Variants in TMEM177 observed in about 807,000 individuals in gnomAD.
The protein encoded by TMEM177 is transmembrane protein 177.
Under a neutral mutation model 14.2 loss-of-function variants are expected in TMEM177, and 4 were observed. The observed-to-expected ratio is 0.28, with a 90% CI of 0.14 to 0.64. The LOEUF (loss-of-function observed/expected upper bound fraction) is 0.64. Among genes scored for constraint, TMEM177 ranks in the 30% least tolerant of loss-of-function variants. The pLI, the probability that TMEM177 is intolerant of heterozygous loss-of-function variation, is 0.82. For missense variants in TMEM177, 344 were observed against 405.2 expected, an observed-to-expected ratio of 0.85 and a Z score of 1.30; for synonymous variants, 179 against 174.5, an observed-to-expected ratio of 1.03 and a Z score of -0.20.
At chr2:119,706,943 G>T in the TMEM177 span, among the ~76,000 whole-genome samples, 2 of 151,758 alleles carry the variant, frequency 1.3e-5, no homozygotes, top group African/African-American at 4.8e-5. Context: ...AAGGAGTCTC[G>T]CACTGTCACT....
Position 119,681,441 on chromosome 2 carries a change from C to A in TMEM177, c.588C>A (p.Gly196=). Residue 196 remains glycine (G), a synonymous_variant, in exon 2 of 2, where the codon GGC becomes GGA. Transcript: ENST00000272521. Reference sequence around the variant, plus strand: ...AGTACACCCTGGGGCTCCATGCAGGCCCCATGAATTTACGGGCTGCCTTCA... The same window carrying A: ...AGTACACCCTGGGGCTCCATGCAGGACCCATGAATTTACGGGCTGCCTTCA... ...GAKYTLGLHA[G]PMNLRAAFSL... The A allele has an allele frequency of 6.2e-7, 1 of 1,613,770 alleles. No individual in the cohort carries two copies. Among genetic ancestry groups the A allele is most frequent in the South Asian group, 1.1e-5 (1 of 91,088 alleles).
chr2:119,720,274 C>A, the TMEM177 span, among the ~76,000 whole-genome samples: 1 of 151,820 alleles, frequency 6.6e-6, no homozygotes, highest in Non-Finnish European at 1.5e-5. Context: ...TATTTTATTC[C>A]CAACTTTTTT....
chr2:119,682,115 CCTT>C (rs896620398), exon 2 of TMEM177: 4 of 227,690 alleles, frequency 1.8e-5, no homozygotes, highest in Admixed American at 1.2e-4. Flanking sequence ...AGACATCCCT[CCTT>C]CTTGGTCGTT....
At chr2:119,690,647 C>G (rs1397883830), downstream of TMEM177, among the ~76,000 whole-genome samples, 2 of 152,192 alleles carry the variant, frequency 1.3e-5, no homozygotes, top group South Asian at 4.1e-4. Context: ...GCCACACGGA[C>G]GGCAGTGTCA....
At chr2:119,714,934 T>C in the TMEM177 span, among the ~76,000 whole-genome samples, 200 of 152,216 alleles carry the variant, frequency 1.3e-3, no homozygotes, top group African/African-American at 4.6e-3. Flanking sequence ...AGGGAGGGAA[T>C]GAAGGGCAGA....
chr2:119,722,075 C>T, the TMEM177 span, among the ~76,000 whole-genome samples: 7 of 152,162 alleles, frequency 4.6e-5, no homozygotes, highest in African/African-American at 7.2e-5. Flanking sequence ...ACAAAGCTGA[C>T]GTTCTGTTAG....
the TMEM177 span, among the ~76,000 whole-genome samples, chr2:119,712,109 C>A: frequency 6.6e-6 from 1 of 151,872 alleles, no homozygotes; most frequent in Admixed American, 6.6e-5. Flanking sequence ...GAGGCGTTGG[C>A]GTTAAGGCAC....
the TMEM177 span, among the ~76,000 whole-genome samples, chr2:119,701,138 C>A: frequency 2.0e-5 from 3 of 152,162 alleles, no homozygotes; most frequent in African/African-American, 7.2e-5. Flanking sequence ...CCCTTTATTC[C>A]TTTTTTCTCC....
At chr2:119,684,408 G>A (rs781318376), downstream of TMEM177, among the ~76,000 whole-genome samples, 5 of 152,030 alleles carry the variant, frequency 3.3e-5, no homozygotes, top group African/African-American at 9.7e-5. Flanking sequence ...CCTCTTCCTC[G>A]CCCTACTGCT....
chr2:119,692,179 G>A, the TMEM177 span, among the ~76,000 whole-genome samples: 1 of 152,258 alleles, frequency 6.6e-6, no homozygotes, highest in African/African-American at 2.4e-5. Flanking sequence ...CCAAATGGGT[G>A]TCAGAAGCCA....
At chr2:119,700,155 T>G in the TMEM177 span, 1 of 216,660 alleles carries the variant, frequency 4.6e-6, no homozygotes, top group East Asian at 1.0e-4. Context: ...GGCTCTGGAA[T>G]AAATTCAGCA....
the TMEM177 span, among the ~76,000 whole-genome samples, chr2:119,716,947 T>C: frequency 6.6e-6 from 1 of 152,242 alleles, no homozygotes. Flanking sequence ...GTTTTGAACG[T>C]AAAAACATAA....
the TMEM177 span, among the ~76,000 whole-genome samples, chr2:119,719,136 G>A: frequency 1.6e-4 from 25 of 152,232 alleles, no homozygotes; most frequent in East Asian, 4.4e-3. Flanking sequence ...AAGTACCCAT[G>A]ACTCAGATTA....
chr2:119,693,363 T>A, the TMEM177 span, among the ~76,000 whole-genome samples: 1 of 152,174 alleles, frequency 6.6e-6, no homozygotes, highest in African/African-American at 2.4e-5. Flanking sequence ...CACTGTTCTG[T>A]CCTTGTATGA....
chr2:119,697,330 G>T, the TMEM177 span, among the ~76,000 whole-genome samples: 2 of 152,218 alleles, frequency 1.3e-5, no homozygotes, highest in African/African-American at 4.8e-5. Context: ...GGAGGCCAAG[G>T]CTTGTGGGTC....
At chr2:119,686,255 C>T (rs115675915), downstream of TMEM177, 2,153 of 122,580 alleles carry the variant, frequency 0.018, 22 homozygotes, top group South Asian at 0.033. Context: ...CTGGTGAGGG[C>T]ATATAGTAGG....
chr2:119,693,868 C>T, the TMEM177 span, among the ~76,000 whole-genome samples: 1 of 7,042 alleles, frequency 1.4e-4, no homozygotes, highest in African/African-American at 5.2e-4. Flanking sequence ...TCACATGCCA[C>T]AAACACAACA....
downstream of TMEM177, among the ~76,000 whole-genome samples, chr2:119,685,103 GGTAT>G (rs1688989017): frequency 6.6e-6 from 1 of 151,962 alleles, no homozygotes; most frequent in African/African-American, 2.4e-5. Context: ...TGGTTCTGTG[GGTAT>G]GAACCTGCAA....
chr2:119,717,812 G>T, the TMEM177 span, among the ~76,000 whole-genome samples: 1 of 151,958 alleles, frequency 6.6e-6, no homozygotes, highest in Admixed American at 6.6e-5. Flanking sequence ...TAGAGATGGA[G>T]TTTTGCCATG....
Sources: allele counts gnomAD v4.1 joint callset (sites outside exome capture counted in the v4.1 genomes callset), GRCh38; gene constraint gnomAD v4.1.1; transcripts MANE v1.5; gene names NCBI Gene and HGNC (gene_info 2026-07-23, HGNC 2026-07-21).